SHPRH: variants seen among roughly 807,000 people sequenced by gnomAD.
SHPRH encodes the protein SNF2 histone linker PHD RING helicase, also known as E3 ubiquitin-protein ligase SHPRH.
A neutral mutation model predicts 202.5 loss-of-function variants in SHPRH; 106 were observed. The ratio of observed to expected loss-of-function variants is 0.52; its 90% confidence interval spans 0.45 to 0.62. The LOEUF is 0.62. Ranked by LOEUF, SHPRH falls within the 20% of genes least tolerant of loss-of-function variation. The probability of loss-of-function intolerance (pLI) is 0.00; values close to 1 mark genes in which losing one functional copy is unlikely to be tolerated. For missense variants in SHPRH, 1,710 were observed against 2,020.0 expected (o/e 0.85, Z 2.94); for synonymous variants, 729 against 686.0 (o/e 1.06, Z -0.98).
At chr6:145,961,815 CA>C (rs1476511204) in intron 1 of SHPRH, among the ~76,000 whole-genome samples, 1 of 152,162 alleles carries the variant, frequency 6.6e-6, no homozygotes, top group African/African-American at 2.4e-5. Flanking sequence ...ACCAACCAAA[CA>C]AAAAGCTCCT....
At chr6:145,962,744 C>T (rs1789223076) in intron 1 of SHPRH, among the ~76,000 whole-genome samples, 1 of 152,146 alleles carries the variant, frequency 6.6e-6, no homozygotes, top group African/African-American at 2.4e-5. Context: ...TTGCCATATT[C>T]CTGTCCAAAA....
downstream of SHPRH, chr6:145,881,666 A>C (rs967488597): frequency 2.0e-5 from 3 of 152,188 alleles, no homozygotes; most frequent in African/African-American, 7.2e-5. Context: ...CACTGACTCC[A>C]GTTAGGAATG....
intron 10 of SHPRH, 124 bp from the exon 11 acceptor site, chr6:145,940,925 T>G (rs1786703531): frequency 1.2e-6 from 1 of 838,352 alleles, no homozygotes; most frequent in Non-Finnish European, 1.9e-6. Context: ...TGTACCTACT[T>G]TTATTTAACA....
chr6:145,887,409 A>T (rs1397368620), intron 29 of SHPRH, among the ~76,000 whole-genome samples: 1 of 152,140 alleles, frequency 6.6e-6, no homozygotes, highest in African/African-American at 2.4e-5. Flanking sequence ...ATTTAAATAA[A>T]TTATACCATA....
intron 2 of SHPRH, among the ~76,000 whole-genome samples, chr6:145,873,855 T>C (rs1780174888): frequency 1.3e-5 from 2 of 152,150 alleles, no homozygotes; most frequent in African/African-American, 4.8e-5. Context: ...CTTTTCAGTG[T>C]CACAAAATTA....
chr6:145,877,233 A>G (rs542428582), intron 2 of SHPRH, among the ~76,000 whole-genome samples: 1 of 152,330 alleles, frequency 6.6e-6, no homozygotes, highest in African/African-American at 2.4e-5. Context: ...TAAGACACGG[A>G]TAAATGGTTT....
chr6:145,923,922 A>T (rs2128751656), intron 17 of SHPRH, 137 bp from the exon 18 acceptor site: 1 of 769,834 alleles, frequency 1.3e-6, no homozygotes, highest in East Asian at 2.7e-5. Context: ...CAGAGGGGAG[A>T]CGAGTATACA....
At chr6:145,865,086 T>A (rs1448823663) in intron 2 of SHPRH, among the ~76,000 whole-genome samples, 1 of 152,186 alleles carries the variant, frequency 6.6e-6, no homozygotes, top group East Asian at 1.9e-4. Flanking sequence ...ATTGAACATC[T>A]TCTTGCCCAT....
At chr6:145,900,809 C>A (rs1374174925) in intron 25 of SHPRH, among the ~76,000 whole-genome samples, 1 of 152,000 alleles carries the variant, frequency 6.6e-6, no homozygotes, top group African/African-American at 2.4e-5. Context: ...ATTATAGTGT[C>A]TTTTAAAAAT....
intron 16 of SHPRH, 92 bp from the exon 17 acceptor site, chr6:145,924,938 T>C: frequency 1.1e-6 from 1 of 929,254 alleles, no homozygotes; most frequent in South Asian, 1.7e-5. Flanking sequence ...TTTATACATT[T>C]AAAGCTACTT....
intron 2 of SHPRH, among the ~76,000 whole-genome samples, chr6:145,869,959 G>T (rs1429443648): frequency 6.6e-6 from 1 of 151,668 alleles, no homozygotes; most frequent in Non-Finnish European, 1.5e-5. Flanking sequence ...AGAATATTGA[G>T]CCTTGCTATC....
rs549625350 is a variant in SHPRH at position 145,904,405 on chromosome 6, G to T, written c.4515+6043C>A. Reference sequence around the variant, plus strand: ...TTGGAACTAGTAGTTTCTAAAATTTGAAAATAATGCCTTAATTATTTACAC... The same window carrying T: ...TTGGAACTAGTAGTTTCTAAAATTTTAAAATAATGCCTTAATTATTTACAC... On this transcript the variant is annotated intron_variant, in intron 25 of 29. Coordinates refer to ENST00000275233, the MANE Select transcript of SHPRH (RefSeq NM_001042683.3). The T allele has an allele frequency of 2.0e-5, 3 of 152,136 alleles. No individual in the cohort carries two copies. The East Asian group carries it at 5.8e-4, about 29-fold the overall frequency. 9.4% of individuals were successfully genotyped at this position (152,136 alleles called of 1,614,324 possible). A position where few individuals can be genotyped will look rare whatever the true frequency, so the allele number is the denominator to read the frequency against.
chr6:145,900,077 T>G (rs1029968155), intron 25 of SHPRH, among the ~76,000 whole-genome samples: 6 of 152,108 alleles, frequency 3.9e-5, no homozygotes, highest in African/African-American at 1.4e-4. Context: ...GTAGAGCCAT[T>G]TTGGAAAATA....
At chr6:145,861,192 A>C (rs1347097850), downstream of SHPRH, among the ~76,000 whole-genome samples, 1 of 152,162 alleles carries the variant, frequency 6.6e-6, no homozygotes, top group African/African-American at 2.4e-5. Context: ...TGAAAAGGCA[A>C]CCTAGGGAAT....
Position 145,955,300 on chromosome 6 carries a change from G to A in SHPRH, c.23C>T (p.Ala8Val). The A allele has an allele frequency of 6.2e-7, 1 of 1,600,036 alleles. No individual in the cohort carries two copies. Among genetic ancestry groups the A allele is most frequent in the Non-Finnish European group, 8.5e-7 (1 of 1,173,810 alleles). Reference sequence around the variant, plus strand: ...TTCCTCATCTACCCTCACTGGAGGAGCACGTTTCCGTCGGCTGCTCATTTT... The same window carrying A: ...TTCCTCATCTACCCTCACTGGAGGAACACGTTTCCGTCGGCTGCTCATTTT... MSSRRKR[A>V]PPVRVDEEKR... The change falls in exon 2 of 30, where the codon GCT (alanine) becomes GTT (valine). Residue 8 changes from alanine to valine, a missense_variant. Around this residue, in one of 8 missense-constraint regions of SHPRH, gnomAD observed 459 missense variants for 426.5 expected, o/e 1.08. Transcript: ENST00000275233.
At chr6:145,875,927 G>A (rs996023722) in intron 2 of SHPRH, among the ~76,000 whole-genome samples, 4 of 152,176 alleles carry the variant, frequency 2.6e-5, no homozygotes, top group Admixed American at 2.6e-4. Context: ...AATTGGCTCT[G>A]CCGAAGTTTT....
In SHPRH at chr6:145,955,179, A is replaced by G. The variant is rs1788378227; in HGVS notation, c.144T>C (p.Asp48=). The G allele has an allele frequency of 1.9e-6, 3 of 1,613,882 alleles. No individual in the cohort carries two copies. Among genetic ancestry groups the G allele is most frequent in the Middle Eastern group, 1.6e-4 (1 of 6,062 alleles). ...GAATGATATAATGAGCAGAAGAGGT[A>G]TCTGAACCTGGGCAGGGCTGCTCGT... is the stretch of plus-strand genomic sequence containing the variant. ...DDDEQPCPGS[D]TSSAHYIILS... is the part of the protein sequence containing the mutation. The change falls in exon 2 of 30, where the codon GAT becomes GAC. Residue 48 remains aspartate (D), a synonymous_variant. Transcript: ENST00000275233.
intron 1 of SHPRH, among the ~76,000 whole-genome samples, chr6:145,959,124 C>T (rs750443053): frequency 1.4e-4 from 21 of 152,124 alleles, no homozygotes; most frequent in African/African-American, 1.9e-4. Flanking sequence ...CGTGAGCCAC[C>T]GCGCCTAGCC....
At chr6:145,904,716 C>A (rs780350601) in intron 25 of SHPRH, 2 of 151,882 alleles carry the variant, frequency 1.3e-5, no homozygotes, top group African/African-American at 4.8e-5. Flanking sequence ...AAAATTTGCC[C>A]GCACAATGGT....
Sources: allele counts gnomAD v4.1 joint callset (sites outside exome capture counted in the v4.1 genomes callset), GRCh38; gene constraint gnomAD v4.1.1; regional missense constraint gnomAD v4.1.1; transcripts MANE v1.5; gene names NCBI Gene and HGNC (gene_info 2026-07-23, HGNC 2026-07-21).